PABPC1: variants seen among roughly 807,000 people sequenced by gnomAD.
PABPC1 encodes poly(A) binding protein cytoplasmic 1.
Under a neutral mutation model 74.0 loss-of-function variants are expected in PABPC1, and 4 were observed. The ratio of observed to expected loss-of-function variants is 0.05; its 90% confidence interval spans 0.03 to 0.12. The LOEUF is 0.12. PABPC1 is among the 10% of genes least tolerant of loss of function. The probability of loss-of-function intolerance (pLI) is 1.00; values close to 1 mark genes in which losing one functional copy is unlikely to be tolerated. For missense variants in PABPC1, 271 were observed against 821.1 expected (o/e 0.33, Z 8.19); for synonymous variants, 227 against 264.1 (o/e 0.86, Z 1.36).
At chr8:100,719,170 T>C (rs1810747864) in intron 1 of PABPC1, among the ~76,000 whole-genome samples, 1 of 152,194 alleles carries the variant, frequency 6.6e-6, no homozygotes, top group African/African-American at 2.4e-5. Flanking sequence ...AACACATCCT[T>C]AAATAAAAAG....
intron 7 of PABPC1, among the ~76,000 whole-genome samples, chr8:100,711,923 G>T (rs1810537314): frequency 6.6e-6 from 1 of 152,244 alleles, no homozygotes; most frequent in Admixed American, 6.5e-5. Flanking sequence ...TTCAGAATTT[G>T]TACTAGAATA....
At chr8:100,705,726 T>C (rs1810361664) in intron 11 of PABPC1, 53 bp from the exon 12 acceptor site, 5 of 1,176,692 alleles carry the variant, frequency 4.2e-6, no homozygotes, top group Admixed American at 1.8e-5. Context: ...AGATGGCAAA[T>C]ACAAATAGTC....
intron 8 of PABPC1, 86 bp from the exon 9 acceptor site, chr8:100,709,309 T>C (rs1810468051): frequency 6.8e-7 from 1 of 1,464,310 alleles, no homozygotes; most frequent in Non-Finnish European, 9.6e-7. Flanking sequence ...TCAAAACATT[T>C]ACCAGGACTT....
At chr8:100,716,993 G>C (rs1810687985) in intron 3 of PABPC1, among the ~76,000 whole-genome samples, 1 of 152,056 alleles carries the variant, frequency 6.6e-6, no homozygotes, top group African/African-American at 2.4e-5. Flanking sequence ...TAAAGCCCTG[G>C]TAACAGGCAT....
rs1301332856 is a variant in PABPC1 at position 100,721,641 on chromosome 8, C to G, written c.-58G>C. The G allele has an allele frequency of 3.5e-6, 4 of 1,151,242 alleles. No homozygotes were observed. The highest frequency in any genetic ancestry group is 2.5e-5 in the South Asian group (1 of 40,500). 71.3% of individuals were successfully genotyped at this position (1,151,242 alleles called of 1,614,324 possible). ...CGACCTTTCCGTGAGAGGAGGAGAG[C>G]GAGTGCCGGGGCTGGGGGCCGGAGC... On this transcript the variant is annotated 5_prime_UTR_variant, in exon 1 of 15. Transcript: ENST00000318607. This position sits in a 1 kb window ranked among gnomAD's most constrained non-coding sequence, Gnocchi z 7.4.
chr8:100,703,535 C>A (rs1213475207), intron 14 of PABPC1, among the ~76,000 whole-genome samples, 176 bp from the exon 15 acceptor site: 1 of 152,160 alleles, frequency 6.6e-6, no homozygotes, highest in Non-Finnish European at 1.5e-5. Context: ...AACACTGGAA[C>A]AAGATCATTT....
At chr8:100,711,421 CTG>C (rs1244878580) in intron 7 of PABPC1, among the ~76,000 whole-genome samples, 1 of 152,196 alleles carries the variant, frequency 6.6e-6, no homozygotes, top group East Asian at 1.9e-4. Context: ...CTGCAGTGAG[CTG>C]TGATTGTGGC....
chr8:100,721,815 G>A lies in PABPC1; in HGVS notation c.-232C>T. 2.5e-6 allele frequency: 1 copy of A among 405,020 alleles called. No individual in the cohort carries two copies. The allele number at this position is 405,020 out of a possible 1,614,324, so 25.1% of individuals were successfully genotyped here. A position where few individuals can be genotyped will look rare whatever the true frequency, so the allele number is the denominator to read the frequency against. On this transcript the variant is annotated 5_prime_UTR_variant, in exon 1 of 15. Transcript: ENST00000318607. The surrounding 1 kb of genome is among the most constrained non-coding windows in gnomAD (Gnocchi z 7.4). ...AGGGTGGCGGTGTCGGGTCCGGGCA[G>A]CGGGAAGGCCTCGGTCTCTTGGTTC...
At chr8:100,710,912 A>C (rs570440758) in intron 7 of PABPC1, among the ~76,000 whole-genome samples, 7 of 152,174 alleles carry the variant, frequency 4.6e-5, no homozygotes, top group Non-Finnish European at 8.8e-5. Flanking sequence ...GCTTGAACCC[A>C]GGGGGTGGAA....
chr8:100,710,955 C>A (rs1245920460), intron 7 of PABPC1, among the ~76,000 whole-genome samples: 11 of 150,488 alleles, frequency 7.3e-5, no homozygotes, highest in Non-Finnish European at 1.5e-5. Flanking sequence ...CCACTTCACT[C>A]CATCTCAAAA....
intron 9 of PABPC1, 127 bp downstream of exon 9, chr8:100,709,006 G>A (rs993250100): frequency 2.6e-6 from 2 of 765,452 alleles, no homozygotes; most frequent in African/African-American, 3.5e-5. Flanking sequence ...CTATAAAAAT[G>A]AACATCCATA....
rs781402082 is a variant in PABPC1, at chr8:100,721,377, AG to A, written c.193+13del. On this transcript the variant is annotated intron_variant, in intron 1 of 14. Coordinates refer to ENST00000318607, the MANE Select transcript of PABPC1 (RefSeq NM_002568.4). The surrounding 1 kb of genome is among the most constrained non-coding windows in gnomAD (Gnocchi z 7.4). ...CGCCCGCCCGCCCGGCCGACCGCGGAGCCCGGCGCTCACCGTCCGCCGGCTG... is the reference window on the plus strand; with the variant it reads ...CGCCCGCCCGCCCGGCCGACCGCGGACCCGGCGCTCACCGTCCGCCGGCTG... The A allele has an allele frequency of 1.4e-6, 2 of 1,444,034 alleles. No individual in the cohort carries two copies. The highest frequency in any genetic ancestry group is 3.0e-5 in the South Asian group (2 of 65,888). The allele number at this position is 1,444,034 out of a possible 1,614,324, so 89.5% of individuals were successfully genotyped here.
intron 1 of PABPC1, among the ~76,000 whole-genome samples, chr8:100,718,886 T>G (rs1810740900): frequency 1.3e-5 from 2 of 152,192 alleles, no homozygotes; most frequent in Non-Finnish European, 2.9e-5. Flanking sequence ...TAGACCAAGA[T>G]TTGAATCATG....
intron 4 of PABPC1, among the ~76,000 whole-genome samples, chr8:100,713,845 C>T (rs948021318): frequency 1.6e-4 from 24 of 152,190 alleles, no homozygotes; most frequent in Admixed American, 3.9e-4. Context: ...TTGGCCTACC[C>T]GACTTTCAAC....
intron 7 of PABPC1, among the ~76,000 whole-genome samples, chr8:100,711,842 G>A (rs1810534991): frequency 1.3e-5 from 2 of 152,198 alleles, no homozygotes; most frequent in South Asian, 4.1e-4. Context: ...ACAAAACCTT[G>A]CATATAGGGG....
rs151320140 is a variant in PABPC1 at position 100,707,697 on chromosome 8, T to C, written c.1337-700A>G. The stretch of plus-strand genomic sequence containing the variant: ...GGGAGACGGTTAGGCCTCTGGATAA[T>C]TGCAGGCAAGCCTGACTGATGTCAG... On this transcript the variant is annotated intron_variant, in intron 9 of 14. Transcript: ENST00000318607. 2.3e-3 allele frequency among the ~76,000 whole-genome samples: 354 copies of C among 152,318 alleles called. 2 individuals carry two copies. The highest frequency in any genetic ancestry group is 8.1e-3 in the African/African-American group (338 of 41,572).
rs1399386985 is a variant in PABPC1 at position 100,721,518 on chromosome 8, C to G, written c.66G>C (p.Val22=). The G allele has an allele frequency of 6.2e-7, 1 of 1,611,444 alleles. No homozygotes were observed. Among genetic ancestry groups the G allele is most frequent in the Non-Finnish European group, 8.5e-7 (1 of 1,178,550 alleles). ...ACTTCTCGTAGAGCATCGCCTCGGT[C>G]ACGTCGGGGTGGAGGTCCCCCACGT... ...SLYVGDLHPD[V]TEAMLYEKFS... is the part of the protein sequence containing the mutation. Residue 22 remains valine (V), a synonymous_variant, in exon 1 of 15, where the codon GTG becomes GTC. Transcript: ENST00000318607. The surrounding 1 kb of genome is among the most constrained non-coding windows in gnomAD (Gnocchi z 7.4).
chr8:100,718,459 T>A (rs780684766), intron 1 of PABPC1, among the ~76,000 whole-genome samples, 179 bp from the exon 2 acceptor site: 1 of 152,238 alleles, frequency 6.6e-6, no homozygotes, highest in Non-Finnish European at 1.5e-5. Flanking sequence ...GGGACCTAAG[T>A]TGTATAAAGC....
At chr8:100,707,206 A>AG in intron 9 of PABPC1, 1 of 453,258 alleles carries the variant, frequency 2.2e-6, no homozygotes, top group Non-Finnish European at 4.1e-6. Flanking sequence ...ACTTATATGT[A>AG]GCGACCAGCC....
Sources: allele counts gnomAD v4.1 joint callset (sites outside exome capture counted in the v4.1 genomes callset), GRCh38; gene constraint gnomAD v4.1.1; non-coding constraint Gnocchi (gnomAD v3.1); transcripts MANE v1.5; gene names NCBI Gene and HGNC (gene_info 2026-07-23, HGNC 2026-07-21).